The following PZP variants were observed in gnomAD, a reference collection of about 807,000 sequenced individuals.
The protein encoded by PZP is PZP alpha-2-macroglobulin like.
PZP carries 150 observed loss-of-function variants against 179.8 expected under a neutral mutation model. The observed-to-expected ratio is 0.83, with a 90% CI of 0.73 to 0.96. The LOEUF (loss-of-function observed/expected upper bound fraction) is 0.96, where lower values mean the gene tolerates loss of function less well. PZP is among the 40% of genes least tolerant of loss of function. PZP has a pLI of 0.00. For missense variants in PZP, 1,689 were observed against 1,764.0 expected, an observed-to-expected ratio of 0.96 and a Z score of 0.76; for synonymous variants, 624 against 652.3, an observed-to-expected ratio of 0.96 and a Z score of 0.66.
chr12:9,194,931 G>A (rs188870306), intron 10 of PZP, among the ~76,000 whole-genome samples: 21 of 152,208 alleles, frequency 1.4e-4, no homozygotes, highest in Admixed American at 1.1e-3. Context: ...ACTTCTCTGC[G>A]CTTCAGTTTT....
chr12:9,180,911 G>A (rs1390650569), intron 15 of PZP, 72 bp downstream of exon 15: 3 of 1,521,310 alleles, frequency 2.0e-6, no homozygotes, highest in Non-Finnish European at 2.6e-6. Flanking sequence ...TCTGACAAAG[G>A]GCTAATAGAG....
rs759974191 is a variant in PZP, at chr12:9,182,020, A to C, written c.1644T>G (p.Val548=). The change falls in exon 14 of 36, where the codon GTT becomes GTG. Residue 548 remains valine (V), a synonymous_variant. Coordinates refer to ENST00000261336, the MANE Select transcript of PZP (RefSeq NM_002864.3). ...IFAILPDGEV[V]GDSEKFEIEN... ...CAATCTCAAATTTTTCAGAGTCTCC[A>C]ACAACTTCTCCATCTGGTAAAATGG... 1 of 1,613,856 alleles carries C rather than the reference A, an allele frequency of 6.2e-7. No homozygotes were observed. Among genetic ancestry groups the C allele is most frequent in the Non-Finnish European group, 8.5e-7 (1 of 1,179,922 alleles).
intron 7 of PZP, among the ~76,000 whole-genome samples, chr12:9,199,969 C>T (rs1212204402): frequency 6.6e-6 from 1 of 152,188 alleles, no homozygotes. Context: ...ATTGAAGATA[C>T]TTGACTGTAA....
At chr12:9,190,228 G>C (rs1943381095) in intron 13 of PZP, among the ~76,000 whole-genome samples, 1 of 152,026 alleles carries the variant, frequency 6.6e-6, no homozygotes. Context: ...ATGAACAGTA[G>C]CAAAGACATG....
chr12:9,152,396 C>G, intron 31 of PZP, 86 bp from the exon 32 acceptor site: 1 of 984,790 alleles, frequency 1.0e-6, no homozygotes, highest in South Asian at 1.3e-5. Context: ...TTAAGCCTGT[C>G]TGTCTTCAAG....
chr12:9,171,757 C>A (rs545614771), intron 15 of PZP, among the ~76,000 whole-genome samples: 7 of 152,022 alleles, frequency 4.6e-5, no homozygotes, highest in Admixed American at 4.6e-4. Flanking sequence ...TGAAGATTAT[C>A]TATCTGAAAT....
Position 9,166,114 on chromosome 12 carries a change from T to G in PZP, c.2196A>C (p.Pro732=). Residue 732 remains proline (P), a synonymous_variant, in exon 18 of 36, where the codon CCA becomes CCC. Coordinates refer to ENST00000261336, the MANE Select transcript of PZP (RefSeq NM_002864.3). ...AATAGCTTCGCACCGTTTCAGGGAC[T>G]GGCCCTGAACTTTGTTCATTATTTA... is the stretch of plus-strand genomic sequence containing the variant. The part of the protein sequence containing the change: ...IPLNNEQSSG[P]VPETVRSYFP... 1.2e-6 allele frequency: 2 copies of G among 1,613,698 alleles called. No individual in the cohort carries two copies. The highest frequency in any genetic ancestry group is 1.7e-6 in the Non-Finnish European group (2 of 1,179,894).
chr12:9,138,025 A>G, the PZP span, among the ~76,000 whole-genome samples: 1 of 152,012 alleles, frequency 6.6e-6, no homozygotes, highest in Admixed American at 6.6e-5. Context: ...TTTCTTACCT[A>G]ACTGTTCTGG....
At chr12:9,146,718 A>G (rs1287471682), downstream of PZP, among the ~76,000 whole-genome samples, 5 of 152,006 alleles carry the variant, frequency 3.3e-5, no homozygotes, top group South Asian at 8.3e-4. Flanking sequence ...TCTCAGGGAG[A>G]AGCAGGAAGC....
intron 35 of PZP, 76 bp downstream of exon 35, chr12:9,149,485 G>T: frequency 7.1e-7 from 1 of 1,407,882 alleles, no homozygotes; most frequent in Non-Finnish European, 9.8e-7. Context: ...AAGCCTTGTA[G>T]AGAATTTAAA....
downstream of PZP, among the ~76,000 whole-genome samples, chr12:9,147,929 T>G (rs1357412223): frequency 6.6e-6 from 1 of 152,204 alleles, no homozygotes; most frequent in Non-Finnish European, 1.5e-5. Flanking sequence ...AGTTTTTTTT[T>G]TCTCCCACAC....
intron 15 of PZP, among the ~76,000 whole-genome samples, chr12:9,177,590 CTTT>C (rs1346685039): frequency 1.3e-5 from 2 of 152,176 alleles, no homozygotes; most frequent in African/African-American, 2.4e-5. Flanking sequence ...CTTTCTACTT[CTTT>C]ATTTACCTTT....
At chr12:9,173,324 G>A (rs1482717636) in intron 15 of PZP, among the ~76,000 whole-genome samples, 1 of 152,198 alleles carries the variant, frequency 6.6e-6, no homozygotes, top group Admixed American at 6.5e-5. Context: ...AGCTAAAACA[G>A]TGTTAAGTGG....
At chr12:9,192,326 G>A in intron 12 of PZP, 70 bp from the exon 13 acceptor site, 1 of 1,470,580 alleles carries the variant, frequency 6.8e-7, no homozygotes, top group Non-Finnish European at 9.5e-7. Flanking sequence ...TTCCCCACAT[G>A]ACCCACTTTC....
rs1855909806 is a variant in PZP at position 9,201,080 on chromosome 12, A to G, written c.502-20T>C. 1.2e-6 allele frequency: 2 copies of G among 1,612,960 alleles called. No individual in the cohort carries two copies. Among genetic ancestry groups the G allele is most frequent in the African/African-American group, 1.3e-5 (1 of 75,016 alleles). On this transcript the variant is annotated intron_variant, in intron 5 of 35. Transcript: ENST00000261336. Reference sequence around the variant, plus strand: ...TGGGTTCTGAAGGGAAACAAGAAACATGGGCGGTAATCATTTAGTCACAAT... The same window carrying G: ...TGGGTTCTGAAGGGAAACAAGAAACGTGGGCGGTAATCATTTAGTCACAAT...
intron 12 of PZP, 88 bp downstream of exon 12, chr12:9,192,424 C>T (rs751528271): frequency 1.5e-6 from 2 of 1,347,848 alleles, no homozygotes; most frequent in African/African-American, 2.9e-5. Context: ...TGGCTGTGTG[C>T]AAGTAGTTTA....
chr12:9,202,267 G>T, intron 4 of PZP, 52 bp downstream of exon 4: 1 of 1,467,948 alleles, frequency 6.8e-7, no homozygotes, highest in South Asian at 1.1e-5. Flanking sequence ...CTCACTCTGG[G>T]TGAGTATTCC....
At chr12:9,165,508 G>T in intron 18 of PZP, 141 bp from the exon 19 acceptor site, 1 of 935,852 alleles carries the variant, frequency 1.1e-6, no homozygotes, top group Non-Finnish European at 1.6e-6. Flanking sequence ...GTGAACACTA[G>T]ATTATGTCCT....
At chr12:9,146,985 G>T (rs1454649073), downstream of PZP, among the ~76,000 whole-genome samples, 1 of 152,156 alleles carries the variant, frequency 6.6e-6, no homozygotes, top group Admixed American at 6.5e-5. Context: ...CTAGCAAGGG[G>T]AAGGATTAAT....
Sources: gnomAD v4.1 joint callset for allele counts (sites outside exome capture counted in the v4.1 genomes callset) on GRCh38, gnomAD v4.1.1 for gene constraint, MANE v1.5 for transcripts, NCBI Gene and HGNC (gene_info 2026-07-23, HGNC 2026-07-21) for gene names.